Variants in HOXB5 observed in about 807,000 individuals in gnomAD.
HOXB5 encodes the protein homeobox B5, also known as homeobox protein Hox-B5.
Under a neutral mutation model 19.6 loss-of-function variants are expected in HOXB5, and 10 were observed. The ratio of observed to expected loss-of-function variants is 0.51; its 90% CI spans 0.32 to 0.87. HOXB5 has a LOEUF of 0.87. Among genes scored for constraint, HOXB5 ranks in the 40% least tolerant of loss-of-function variants. The pLI is 0.04. For synonymous variants in HOXB5, 167 were observed against 156.9 expected (o/e 1.06, Z -0.48); for missense variants, 353 against 369.6 (o/e 0.96, Z 0.37).
rs1276228362 is a variant in HOXB5, at chr17:48,593,371, G to T, written c.312C>A (p.Asn104Lys). 2 of 1,600,102 alleles carry T rather than the reference G, an allele frequency of 1.2e-6. No homozygotes were observed. Among genetic ancestry groups the T allele is most frequent in the Non-Finnish European group, 1.7e-6 (2 of 1,170,720 alleles). Residue 104 changes from asparagine to lysine, a missense_variant, in exon 1 of 2, where the codon AAC (asparagine) becomes AAA (lysine). Asn to Lys is a moderately conservative substitution (Grantham distance 94, BLOSUM62 0). Transcript: ENST00000239151. ...AGGGCTTGGCGCCGTGGCTGTCGCCGTTGGTGCAGGGCAGGGACTCGGGCG... is the reference window on the plus strand; with the variant it reads ...AGGGCTTGGCGCCGTGGCTGTCGCCTTTGGTGCAGGGCAGGGACTCGGGCG... ...LSSPESLPCT[N>K]GDSHGAKPSA... is the part of the protein sequence containing the mutation.
rs781173990 is a variant in HOXB5 at position 48,593,623 on chromosome 17, C to A, written c.60G>T (p.Gln20His). Residue 20 changes from glutamine to histidine, a missense_variant, in exon 1 of 2, where the codon CAG becomes CAT. Gln to His is a conservative substitution (Grantham distance 24, BLOSUM62 0). Transcript: ENST00000239151. ...SGRYPNGPDY[Q>H]LLNYGSGSSL... The stretch of plus-strand genomic sequence containing the variant: ...AGCTGCCACTGCCATAATTTAGCAA[C>A]TGATAGTCCGGGCCATTTGGATAAC... 2.7e-5 allele frequency: 43 copies of A among 1,612,960 alleles called. No individual in the cohort carries two copies. Among genetic ancestry groups the A allele is most frequent in the Admixed American group, 2.3e-4 (14 of 60,012 alleles).
At chr17:48,592,824 T>C (rs1858998207) in intron 1 of HOXB5, among the ~76,000 whole-genome samples, 1 of 152,164 alleles carries the variant, frequency 6.6e-6, no homozygotes, top group Admixed American at 6.5e-5. Context: ...ATTTCAGGGG[T>C]AAGCAGGACC....
In HOXB5 at chr17:48,592,065, A is replaced by G. The variant is rs2070163837; in HGVS notation, c.*144T>C. ...AGAGAGGGAGCCACAGGAAGACCTA[A>G]GACCAAACGAAATATCGTAACACAA... On this transcript the variant is annotated 3_prime_UTR_variant, in exon 2 of 2. Coordinates refer to ENST00000239151, the MANE Select transcript of HOXB5 (RefSeq NM_002147.4). 3.6e-6 allele frequency: 3 copies of G among 833,626 alleles called. No individual in the cohort carries two copies. Among genetic ancestry groups the G allele is most frequent in the South Asian group, 3.5e-5 (2 of 57,492 alleles). 51.6% of individuals were successfully genotyped at this position (833,626 alleles called of 1,614,324 possible).
In HOXB5 at chr17:48,592,462, G is replaced by A. The variant is rs904880393; in HGVS notation, c.563-6C>T. 7.3e-7 allele frequency: 1 copy of A among 1,363,528 alleles called. No individual in the cohort carries two copies. The highest frequency in any genetic ancestry group is 9.8e-7 in the Non-Finnish European group (1 of 1,021,782). The allele number at this position is 1,363,528 out of a possible 1,614,324, so 84.5% of individuals were successfully genotyped here. A position where few individuals can be genotyped will look rare whatever the true frequency, so the allele number is the denominator to read the frequency against. On this transcript the variant is annotated splice_region_variant and splice_polypyrimidine_tract_variant and intron_variant, in intron 1 of 1. Coordinates refer to ENST00000239151, the MANE Select transcript of HOXB5 (RefSeq NM_002147.4). ...CCCGTCCGGCCCGGTCATATCTGGA[G>A]CAGATAGAGGAAAGCCGCAAGGCAA...
In HOXB5 at chr17:48,591,433, A is replaced by G. The variant is rs2070149610; in HGVS notation, c.*776T>C. 6.5e-6 allele frequency: 1 copy of G among 152,674 alleles called. No homozygotes were observed. Among genetic ancestry groups the G allele is most frequent in the East Asian group, 1.9e-4 (1 of 5,190 alleles). 9.5% of individuals were successfully genotyped at this position (152,674 alleles called of 1,614,324 possible). A position where few individuals can be genotyped will look rare whatever the true frequency, so the allele number is the denominator to read the frequency against. On this transcript the variant is annotated 3_prime_UTR_variant, in exon 2 of 2. Transcript: ENST00000239151. ...GGGAGAGATGGGTCTGACCCAGACT[A>G]TCCCCATATTTACAAGCTTTGGGCC...
chr17:48,592,241 G>C lies in HOXB5; in HGVS notation c.778C>G (p.Leu260Val). The change falls in exon 2 of 2, where the codon CTG (leucine) becomes GTG (valine). Residue 260 changes from leucine to valine, a missense_variant. Coordinates refer to ENST00000239151, the MANE Select transcript of HOXB5 (RefSeq NM_002147.4). ...TGGAAGGCGCTGCCAGCTGTAGCCA[G>C]GCTCATACTTTTCAATTTGTTGTCC... is the stretch of plus-strand genomic sequence containing the variant. The part of the protein sequence containing the change: ...KKDNKLKSMS[L>V]ATAGSAFQP The C allele has an allele frequency of 1.9e-6, 3 of 1,613,986 alleles. No individual in the cohort carries two copies. Among genetic ancestry groups the C allele is most frequent in the South Asian group, 1.1e-5 (1 of 91,066 alleles).
Position 48,593,451 on chromosome 17 carries a change from C to T in HOXB5, c.232G>A (p.Ala78Thr), listed in dbSNP as rs1448900570. ...AVGESSRAFP[A>T]PAQEPRFRQA... ...CTGAAGCGGGGCTCCTGGGCGGGCG[C>T]GGGGAAGGCGCGCGAGCTCTCGCCC... Residue 78 changes from alanine to threonine, a missense_variant, in exon 1 of 2, where the codon GCG becomes ACG. By Grantham distance (58) the Ala-to-Thr change is moderately conservative. Coordinates refer to ENST00000239151, the MANE Select transcript of HOXB5 (RefSeq NM_002147.4). 3 of 1,610,730 alleles carry T rather than the reference C, an allele frequency of 1.9e-6. No homozygotes were observed. The highest frequency in any genetic ancestry group is 1.7e-4 in the Middle Eastern group (1 of 6,000).
At position 48,592,174 on chromosome 17, in the gene HOXB5, C is replaced by G. The variant is rs1229715654; in HGVS notation, c.*35G>C. On this transcript the variant is annotated 3_prime_UTR_variant, in exon 2 of 2. Transcript: ENST00000239151. ...GGAGGGGCCAGGGCTGGGGGTGGCA[C>G]GGGCTCTTGGGCCGCTGGGCTCCTC... 2 of 1,600,528 alleles carry G rather than the reference C, an allele frequency of 1.2e-6. No individual in the cohort carries two copies. Among genetic ancestry groups the G allele is most frequent in the African/African-American group, 2.7e-5 (2 of 74,600 alleles).
In HOXB5 at chr17:48,592,265, CCTT is replaced by C. The variant is rs2070170392; in HGVS notation, c.751_753del (p.Lys251del). Reference sequence around the variant, plus strand: ...AGGCTCATACTTTTCAATTTGTTGTCCTTCTTCCACTTCATGCGCCGGTTCTGG... The same window carrying C: ...AGGCTCATACTTTTCAATTTGTTGTCCTTCCACTTCATGCGCCGGTTCTGG... On this transcript the variant is annotated inframe_deletion, in exon 2 of 2. Coordinates refer to ENST00000239151, the MANE Select transcript of HOXB5 (RefSeq NM_002147.4). The C allele has an allele frequency of 6.2e-7, 1 of 1,613,942 alleles. No individual in the cohort carries two copies. The highest frequency in any genetic ancestry group is 8.5e-7 in the Non-Finnish European group (1 of 1,179,990).
chr17:48,593,004 C>T lies in HOXB5; in HGVS notation c.562+117G>A, dbSNP rs1318569004. ...ATGAGGCCCCTCTTAGATACTTCTCCCCCTTAGAAAAATGAATCTATATTT... is the reference window on the plus strand; with the variant it reads ...ATGAGGCCCCTCTTAGATACTTCTCTCCCTTAGAAAAATGAATCTATATTT... On this transcript the variant is annotated intron_variant, in intron 1 of 1. Coordinates refer to ENST00000239151, the MANE Select transcript of HOXB5 (RefSeq NM_002147.4). 5.2e-6 allele frequency: 4 copies of T among 765,428 alleles called. No individual in the cohort carries two copies. In the Admixed American group the frequency reaches 8.9e-5, roughly 17 times the overall value. 47.4% of individuals were successfully genotyped at this position (765,428 alleles called of 1,614,324 possible). A position where few individuals can be genotyped will look rare whatever the true frequency, so the allele number is the denominator to read the frequency against.
rs2070188960 is a variant in HOXB5 at position 48,593,058 on chromosome 17, C to T, written c.562+63G>A. 12 of 650,246 alleles carry T rather than the reference C, an allele frequency of 1.8e-5. 3 individuals carry two copies. Among genetic ancestry groups the T allele is most frequent in the Non-Finnish European group, 2.9e-5 (11 of 373,162 alleles). The allele number at this position is 650,246 out of a possible 1,614,324, so 40.3% of individuals were successfully genotyped here. On this transcript the variant is annotated intron_variant, in intron 1 of 1. Coordinates refer to ENST00000239151, the MANE Select transcript of HOXB5 (RefSeq NM_002147.4). Reference sequence around the variant, plus strand: ...GTAAAGCCAAGCTCTCCTTGTCCCCCCGATCCCACCCCAAAACGCAGAGAA... The same window carrying T: ...GTAAAGCCAAGCTCTCCTTGTCCCCTCGATCCCACCCCAAAACGCAGAGAA...
At position 48,593,280 on chromosome 17, in the gene HOXB5, C is replaced by G. The variant is rs2070195231; in HGVS notation, c.403G>C (p.Glu135Gln). ...SSSANFTEID[E>Q]ASASSEPEEA... ...TCAGGCTCCGAGGACGCGCTGGCCT[C>G]GTCTATTTCGGTGAAATTGGCGCTG... Residue 135 changes from glutamate (E) to glutamine (Q), a missense_variant, in exon 1 of 2, where the codon GAG (glutamate) becomes CAG (glutamine). Physicochemically the swap from Glu to Gln is conservative, Grantham distance 29 (BLOSUM62 2). Transcript: ENST00000239151. The G allele has an allele frequency of 1.9e-6, 3 of 1,613,578 alleles. No individual in the cohort carries two copies. In the East Asian group the frequency reaches 6.7e-5, roughly 36 times the overall value.
chr17:48,593,315 G>A lies in HOXB5; in HGVS notation c.368C>T (p.Ser123Leu). 6.2e-7 allele frequency: 1 copy of A among 1,611,864 alleles called. No individual in the cohort carries two copies. The highest frequency in any genetic ancestry group is 8.5e-7 in the Non-Finnish European group (1 of 1,178,400). ...GGTGAAATTGGCGCTGGAGCTGGCT[G>A]AGGTCGCCTGGTCGGAGGGGGACGA... ...SASSPSDQAT[S>L]ASSSANFTEI... The change falls in exon 1 of 2, where the codon TCA becomes TTA. Residue 123 changes from serine (S) to leucine (L), a missense_variant. Transcript: ENST00000239151.
rs2070194255 is a variant in HOXB5 at position 48,593,230 on chromosome 17, G to T, written c.453C>A (p.Ser151Arg). ...EPEEAASQLS[S>R]PSLARAQPEP... is the part of the protein sequence containing the mutation. Reference sequence around the variant, plus strand: ...CTGGCTGCGCCCGAGCTAGGCTGGGGCTGCTTAGCTGGCTTGCCGCTTCCT... The same window carrying T: ...CTGGCTGCGCCCGAGCTAGGCTGGGTCTGCTTAGCTGGCTTGCCGCTTCCT... The change falls in exon 1 of 2, where the codon AGC (serine) becomes AGA (arginine). Residue 151 changes from serine to arginine, a missense_variant. Physicochemically the swap from Ser to Arg is moderately radical, Grantham distance 110. Transcript: ENST00000239151. 1.9e-6 allele frequency: 3 copies of T among 1,613,716 alleles called. No homozygotes were observed. Among genetic ancestry groups the T allele is most frequent in the Non-Finnish European group, 2.5e-6 (3 of 1,179,708 alleles).
rs760358569 is a variant in HOXB5 at position 48,593,165 on chromosome 17, G to A, written c.518C>T (p.Thr173Ile). 15 of 1,587,970 alleles carry A rather than the reference G, an allele frequency of 9.4e-6. No homozygotes were observed. In the East Asian group the frequency reaches 3.2e-4, roughly 33 times the overall value. ...ATSTAAPEGQTPQIFPWMRKL... is the reference protein window; with the variant it reads ...ATSTAAPEGQIPQIFPWMRKL... ...CCTCATCCAGGGGAATATTTGCGGAGTCTGCCCCTCGGGCGCGGCTGTGGA... is the reference window on the plus strand; with the variant it reads ...CCTCATCCAGGGGAATATTTGCGGAATCTGCCCCTCGGGCGCGGCTGTGGA... Residue 173 changes from threonine to isoleucine, a missense_variant, in exon 1 of 2, where the codon ACT (threonine) becomes ATT (isoleucine). By Grantham distance (89) the Thr-to-Ile change is moderately conservative. Coordinates refer to ENST00000239151, the MANE Select transcript of HOXB5 (RefSeq NM_002147.4).
rs780502498 is a variant in HOXB5 at position 48,592,287 on chromosome 17, G to A, written c.732C>T (p.Asn244=). The A allele has an allele frequency of 1.9e-6, 3 of 1,614,030 alleles. No homozygotes were observed. The highest frequency in any genetic ancestry group is 1.7e-5 in the Admixed American group (1 of 60,020). ...SERQIKIWFQ[N]RRMKWKKDNK... ...TGTCCTTCTTCCACTTCATGCGCCG[G>A]TTCTGGAACCAGATCTTGATCTGGC... The change falls in exon 2 of 2, where the codon AAC becomes AAT. Residue 244 remains asparagine (N), a synonymous_variant. Coordinates refer to ENST00000239151, the MANE Select transcript of HOXB5 (RefSeq NM_002147.4).
At position 48,593,168 on chromosome 17, in the gene HOXB5, T is replaced by C; in HGVS notation, c.515A>G (p.Gln172Arg). Residue 172 changes from glutamine to arginine, a missense_variant, in exon 1 of 2, where the codon CAG becomes CGG. Coordinates refer to ENST00000239151, the MANE Select transcript of HOXB5 (RefSeq NM_002147.4). The part of the protein sequence containing the change: ...MATSTAAPEG[Q>R]TPQIFPWMRK... ...CATCCAGGGGAATATTTGCGGAGTC[T>C]GCCCCTCGGGCGCGGCTGTGGAGGT... 3 of 1,589,446 alleles carry C rather than the reference T, an allele frequency of 1.9e-6. No individual in the cohort carries two copies. The highest frequency in any genetic ancestry group is 2.6e-6 in the Non-Finnish European group (3 of 1,165,052).
At position 48,592,442 on chromosome 17, in the gene HOXB5, C is replaced by A; in HGVS notation, c.577G>T (p.Asp193Tyr). The A allele has an allele frequency of 6.2e-7, 1 of 1,611,680 alleles. No homozygotes were observed. Among genetic ancestry groups the A allele is most frequent in the African/African-American group, 1.3e-5 (1 of 74,752 alleles). Residue 193 changes from aspartate to tyrosine, a missense_variant, in exon 2 of 2, where the codon GAC (aspartate) becomes TAC (tyrosine). Transcript: ENST00000239151. ...TACGCGGTCCGGGCCCTTTTCCCGT[C>A]CGGCCCGGTCATATCTGGAGCAGAT... The part of the protein sequence containing the change: ...LHISHDMTGP[D>Y]GKRARTAYTR...
At chr17:48,593,069 C>A in intron 1 of HOXB5, 52 bp downstream of exon 1, 6 of 1,016,334 alleles carry the variant, frequency 5.9e-6, no homozygotes, top group East Asian at 2.6e-5. Context: ...CGATCCCACC[C>A]CAAAACGCAG....
Sources: gnomAD v4.1 joint callset for allele counts (sites outside exome capture counted in the v4.1 genomes callset) on GRCh38, gnomAD v4.1.1 for gene constraint, MANE v1.5 for transcripts, NCBI Gene and HGNC (gene_info 2026-07-23, HGNC 2026-07-21) for gene names.